FCHSD2: variants seen among roughly 807,000 people sequenced by gnomAD.
FCHSD2 encodes the protein FCH and double SH3 domains 2, also known as F-BAR and double SH3 domains protein 2.
A neutral mutation model predicts 108.1 loss-of-function variants in FCHSD2; 38 were observed. The ratio of observed to expected loss-of-function variants is 0.35; its 90% CI spans 0.27 to 0.46. The LOEUF (loss-of-function observed/expected upper bound fraction) is 0.46, where lower values mean the gene tolerates loss of function less well. Among genes scored for constraint, FCHSD2 ranks in the 20% least tolerant of loss-of-function variants. FCHSD2 has a pLI of 1.00. For synonymous variants in FCHSD2, 279 were observed against 314.7 expected (o/e 0.89, Z 1.20); for missense variants, 751 against 897.8 (o/e 0.84, Z 2.09).
chr11:72,866,773 C>T (rs1000656396), intron 13 of FCHSD2, among the ~76,000 whole-genome samples: 2 of 152,168 alleles, frequency 1.3e-5, no homozygotes, highest in South Asian at 2.1e-4. Flanking sequence ...AATTAGAATG[C>T]TATGTGAAAA....
At chr11:73,059,737 T>C (rs1428615977) in intron 3 of FCHSD2, among the ~76,000 whole-genome samples, 1 of 152,144 alleles carries the variant, frequency 6.6e-6, no homozygotes, top group Non-Finnish European at 1.5e-5. Flanking sequence ...TTTCTTTTTT[T>C]CCCCTAGCTG....
In FCHSD2 at chr11:72,838,909, G is replaced by T. The variant is rs376380363; in HGVS notation, c.2140-35C>A. 53 of 1,566,702 alleles carry T rather than the reference G, an allele frequency of 3.4e-5. No individual in the cohort carries two copies. In the African/African-American group the frequency reaches 5.8e-4, roughly 17 times the overall value. On this transcript the variant is annotated intron_variant, in intron 19 of 19. Transcript: ENST00000409418. Reference sequence around the variant, plus strand: ...AAACAATTACGTAGTTTGTCAGTCAGTTCCTGACTCAGTATCTGAAGCATC... The same window carrying T: ...AAACAATTACGTAGTTTGTCAGTCATTTCCTGACTCAGTATCTGAAGCATC...
chr11:72,867,388 A>C (rs1228800266), intron 13 of FCHSD2, among the ~76,000 whole-genome samples: 1 of 152,196 alleles, frequency 6.6e-6, no homozygotes, highest in Non-Finnish European at 1.5e-5. Flanking sequence ...CACTCTCTCT[A>C]TGTGAGGAGA....
At chr11:73,114,975 C>G (rs1486622400) in intron 2 of FCHSD2, among the ~76,000 whole-genome samples, 1 of 152,090 alleles carries the variant, frequency 6.6e-6, no homozygotes, top group African/African-American at 2.4e-5. Context: ...GGCTCTGAGC[C>G]CAGCTCAGCA....
chr11:73,101,400 T>C (rs1457138844), intron 2 of FCHSD2, among the ~76,000 whole-genome samples: 6 of 152,126 alleles, frequency 3.9e-5, no homozygotes, highest in South Asian at 2.1e-4. Context: ...TGGGAACTAC[T>C]GAGGGAGGTA....
At chr11:73,120,750 C>T (rs2135557780) in intron 2 of FCHSD2, among the ~76,000 whole-genome samples, 2 of 142,384 alleles carry the variant, frequency 1.4e-5, no homozygotes, top group African/African-American at 5.2e-5. Context: ...AATAATAAAA[C>T]AAAAATTAAA....
intron 2 of FCHSD2, among the ~76,000 whole-genome samples, chr11:73,088,028 T>C (rs1027972549): frequency 2.0e-5 from 3 of 152,186 alleles, no homozygotes; most frequent in Non-Finnish European, 4.4e-5. Context: ...TACAGGCACA[T>C]GCCACCACAT....
intron 8 of FCHSD2, among the ~76,000 whole-genome samples, chr11:72,927,082 A>C (rs536996122): frequency 6.6e-6 from 1 of 152,320 alleles, no homozygotes; most frequent in South Asian, 2.1e-4. Context: ...ACAAGCACAA[A>C]ACAAATGTAT....
At chr11:73,008,938 T>C (rs759069392) in intron 4 of FCHSD2, among the ~76,000 whole-genome samples, 3 of 151,864 alleles carry the variant, frequency 2.0e-5, no homozygotes, top group Non-Finnish European at 4.4e-5. Context: ...AGTCAAGATT[T>C]AAAGACAAGA....
intron 10 of FCHSD2, among the ~76,000 whole-genome samples, chr11:72,895,635 G>A (rs188461678): frequency 5.8e-4 from 88 of 152,324 alleles, no homozygotes; most frequent in African/African-American, 2.1e-3. Flanking sequence ...CAGGAGAAAG[G>A]TGACTAAACC....
At chr11:73,024,511 AGT>A in intron 3 of FCHSD2, among the ~76,000 whole-genome samples, 1 of 152,296 alleles carries the variant, frequency 6.6e-6, no homozygotes, top group South Asian at 2.1e-4. Context: ...GTAAAAGCTC[AGT>A]GTTGGAGTGG....
chr11:72,966,053 TA>T (rs1429843882), intron 8 of FCHSD2, among the ~76,000 whole-genome samples: 2 of 152,146 alleles, frequency 1.3e-5, no homozygotes, highest in Non-Finnish European at 2.9e-5. Context: ...AATTCCTGTG[TA>T]ATAAAACAAT....
At chr11:73,125,405 T>C (rs1175994030) in intron 2 of FCHSD2, among the ~76,000 whole-genome samples, 1 of 151,838 alleles carries the variant, frequency 6.6e-6, no homozygotes, top group Non-Finnish European at 1.5e-5. Context: ...CAGTGATAAA[T>C]TAAGAATGCA....
chr11:72,877,823 T>C (rs1273526712), intron 12 of FCHSD2, among the ~76,000 whole-genome samples: 5 of 151,622 alleles, frequency 3.3e-5, no homozygotes, highest in Admixed American at 1.3e-4. Context: ...CTGAGAAACA[T>C]GGGGAAACCC....
chr11:73,087,574 G>C (rs113877361), intron 2 of FCHSD2, among the ~76,000 whole-genome samples: 2 of 151,824 alleles, frequency 1.3e-5, no homozygotes, highest in South Asian at 2.1e-4. Context: ...GCATGGTGGC[G>C]TGTGCCTGTA....
At chr11:73,126,550 T>C (rs938246250) in intron 2 of FCHSD2, among the ~76,000 whole-genome samples, 1 of 152,036 alleles carries the variant, frequency 6.6e-6, no homozygotes, top group African/African-American at 2.4e-5. Flanking sequence ...ATAGCTTCAC[T>C]AAAAACTAAT....
chr11:72,843,509 G>A lies in FCHSD2; in HGVS notation c.1467C>T (p.Thr489=). 1 of 1,613,580 alleles carries A rather than the reference G, an allele frequency of 6.2e-7. No individual in the cohort carries two copies. The highest frequency in any genetic ancestry group is 8.5e-7 in the Non-Finnish European group (1 of 1,179,588). Residue 489 remains threonine, a synonymous_variant, in exon 15 of 20, where the codon ACC becomes ACT. Coordinates refer to ENST00000409418, the MANE Select transcript of FCHSD2 (RefSeq NM_014824.3). ...CTTCTAACACCTCATGTTCCTCAAT[G>A]GTCAACTCATCTGGTTGAGAAGCCT... ...SYKASQPDEL[T]IEEHEVLEVI... is the part of the protein sequence containing the mutation.
chr11:73,092,772 G>C (rs886084897), intron 2 of FCHSD2, among the ~76,000 whole-genome samples: 4 of 152,114 alleles, frequency 2.6e-5, no homozygotes, highest in Non-Finnish European at 2.9e-5. Context: ...GTTAAAACAA[G>C]CATTTTGTGT....
intron 8 of FCHSD2, among the ~76,000 whole-genome samples, chr11:72,928,826 C>T (rs1004586589): frequency 1.3e-4 from 19 of 145,630 alleles, no homozygotes; most frequent in African/African-American, 4.6e-4. Context: ...CACCCAGTAA[C>T]TCGTCATTTA....
Sources: allele counts gnomAD v4.1 joint callset (sites outside exome capture counted in the v4.1 genomes callset), GRCh38; gene constraint gnomAD v4.1.1; transcripts MANE v1.5; gene names NCBI Gene and HGNC (gene_info 2026-07-23, HGNC 2026-07-21).